RUBCN: variants seen among roughly 807,000 people sequenced by gnomAD.
The protein encoded by RUBCN is run domain Beclin-1-interacting and cysteine-rich domain-containing protein.
Under a neutral mutation model 113.2 loss-of-function variants are expected in RUBCN, and 74 were observed. The ratio of observed to expected loss-of-function variants is 0.65; its 90% CI spans 0.54 to 0.79. The LOEUF (loss-of-function observed/expected upper bound fraction) is 0.79, where lower values mean the gene tolerates loss of function less well. Among genes scored for constraint, RUBCN ranks in the 30% least tolerant of loss-of-function variants. RUBCN has a pLI of 0.00. For synonymous variants in RUBCN, 480 were observed against 490.0 expected (o/e 0.98, Z 0.27); for missense variants, 1,109 against 1,251.7 (o/e 0.89, Z 1.72).
chr3:197,691,548 G>A (rs1429214426), intron 11 of RUBCN, among the ~76,000 whole-genome samples: 3 of 152,186 alleles, frequency 2.0e-5, no homozygotes, highest in East Asian at 1.9e-4. Context: ...GGGAAACCCC[G>A]GCCTAAGGTC....
intron 2 of RUBCN, among the ~76,000 whole-genome samples, chr3:197,710,267 A>G (rs1039818372): frequency 1.3e-5 from 2 of 152,158 alleles, no homozygotes; most frequent in Non-Finnish European, 2.9e-5. Flanking sequence ...TGACTTACTA[A>G]AAGTCAGATA....
intron 18 of RUBCN, 82 bp downstream of exon 18, chr3:197,676,803 T>C (rs753011188): frequency 6.2e-7 from 1 of 1,607,280 alleles, no homozygotes; most frequent in Non-Finnish European, 8.5e-7. Flanking sequence ...TCAAGCTAAG[T>C]GGCAAGAACC....
chr3:197,697,106 T>C (rs878897105), intron 7 of RUBCN, 57 bp from the exon 8 acceptor site: 1 of 872,192 alleles, frequency 1.1e-6, no homozygotes, highest in Admixed American at 1.7e-5. Context: ...AACAGGTACA[T>C]TCCCAACTCT....
rs1719760525 is a variant in RUBCN at position 197,671,213 on chromosome 3, G to C, written c.*3805C>G. On this transcript the variant is annotated 3_prime_UTR_variant, in exon 20 of 20. Transcript: ENST00000296343. ...TATTTTTGTAGAGATGAGGTTTTGT[G>C]ATGTTAGCCAGGCTGGTCTTGAATT... is the stretch of plus-strand genomic sequence containing the variant. Among the ~76,000 whole-genome samples, 2 of 152,022 alleles carry C rather than the reference G, an allele frequency of 1.3e-5. No homozygotes were observed. The highest frequency in any genetic ancestry group is 2.9e-5 in the Non-Finnish European group (2 of 67,996).
At chr3:197,738,187 AGGT>A (rs1027271915), upstream of RUBCN, among the ~76,000 whole-genome samples, 2 of 152,248 alleles carry the variant, frequency 1.3e-5, no homozygotes, top group Non-Finnish European at 1.5e-5. Flanking sequence ...TGTAGGCTGA[AGGT>A]GGCCCTTGAG....
Position 197,699,809 on chromosome 3 carries a change from T to C in RUBCN, c.1261+804A>G, listed in dbSNP as rs573898485. The stretch of plus-strand genomic sequence containing the variant: ...TAAAGAAACCGCCCCCTCTTTTTTT[T>C]AGGTCCTTGAATTTTTCACATTTTA... On this transcript the variant is annotated intron_variant, in intron 7 of 19. Coordinates refer to ENST00000296343, the MANE Select transcript of RUBCN (RefSeq NM_014687.4). 3.2e-4 allele frequency among the ~76,000 whole-genome samples: 49 copies of C among 152,298 alleles called. 1 individual carries two copies. In the South Asian group the frequency reaches 8.7e-3, roughly 27 times the overall value.
chr3:197,708,027 GC>G (rs1445239458), intron 2 of RUBCN, among the ~76,000 whole-genome samples: 3 of 151,558 alleles, frequency 2.0e-5, no homozygotes, highest in Non-Finnish European at 2.9e-5. Context: ...CTACAAAAGT[GC>G]AAATCATAAA....
chr3:197,680,661 G>T (rs143106610), intron 16 of RUBCN, among the ~76,000 whole-genome samples: 1 of 152,160 alleles, frequency 6.6e-6, no homozygotes, highest in South Asian at 2.1e-4. Context: ...AGGCCCCTCC[G>T]CCAGGTCTGT....
rs1181948740 is a variant in RUBCN at position 197,675,686 on chromosome 3, G to A, written c.2647-171C>T. Among the ~76,000 whole-genome samples the A allele has an allele frequency of 1.3e-5, 2 of 150,780 alleles. No homozygotes were observed. Among genetic ancestry groups the A allele is most frequent in the Non-Finnish European group, 3.0e-5 (2 of 67,430 alleles). ...TAAACTAGGACCAGGGCCGGGCAGCGTTAGACAAAGCTTTAGGCAGAAGAT... is the reference window on the plus strand; with the variant it reads ...TAAACTAGGACCAGGGCCGGGCAGCATTAGACAAAGCTTTAGGCAGAAGAT... On this transcript the variant is annotated intron_variant, in intron 18 of 19. Transcript: ENST00000296343. This position sits in a 1 kb window ranked among gnomAD's most constrained non-coding sequence, Gnocchi z 4.4.
Position 197,703,024 on chromosome 3 carries a change from AGGTC to A in RUBCN, c.570+520_570+523del, listed in dbSNP as rs559612227. ...AATCTACCTCCCCACTCCCCAGCTT[AGGTC>A]TACTAAGCACACGACCTAAGCCTAG... On this transcript the variant is annotated intron_variant, in intron 5 of 19. Coordinates refer to ENST00000296343, the MANE Select transcript of RUBCN (RefSeq NM_014687.4). Among the ~76,000 whole-genome samples, 387 of 152,212 alleles carry A rather than the reference AGGTC, an allele frequency of 2.5e-3. 3 individuals are homozygous for A. In the Middle Eastern group the frequency reaches 0.034, roughly 13 times the overall value.
intron 1 of RUBCN, among the ~76,000 whole-genome samples, chr3:197,746,236 T>G (rs1346485405): frequency 6.6e-6 from 1 of 152,190 alleles, no homozygotes; most frequent in Non-Finnish European, 1.5e-5. Flanking sequence ...TCCAAAGGAA[T>G]GGGGTCAGTG....
chr3:197,687,344 G>C (rs1314064786), intron 11 of RUBCN, among the ~76,000 whole-genome samples: 1 of 152,236 alleles, frequency 6.6e-6, no homozygotes, highest in Non-Finnish European at 1.5e-5. Context: ...ATATAATTTT[G>C]AAACTTGTCA....
At position 197,675,269 on chromosome 3, in the gene RUBCN, C is replaced by T. The variant is rs146231703; in HGVS notation, c.2741-73G>A. On this transcript the variant is annotated intron_variant, in intron 19 of 19. Coordinates refer to ENST00000296343, the MANE Select transcript of RUBCN (RefSeq NM_014687.4). The surrounding 1 kb of genome is among the most constrained non-coding windows in gnomAD (Gnocchi z 4.4). Reference sequence around the variant, plus strand: ...TCTCCAGCTAGAGGTCAGTTGCTGCCACAGCCCCTTCTCGCCACCAAGGCG... The same window carrying T: ...TCTCCAGCTAGAGGTCAGTTGCTGCTACAGCCCCTTCTCGCCACCAAGGCG... 269 of 1,582,972 alleles carry T rather than the reference C, an allele frequency of 1.7e-4. 1 individual carries two copies. The African/African-American group carries it at 3.2e-3, about 19-fold the overall frequency.
At chr3:197,733,543 T>G (rs1243652371) in intron 1 of RUBCN, among the ~76,000 whole-genome samples, 1 of 152,180 alleles carries the variant, frequency 6.6e-6, no homozygotes, top group Non-Finnish European at 1.5e-5. Flanking sequence ...GTTTCTGAAC[T>G]GGGTATTTCA....
rs565384174 is a variant in RUBCN at position 197,683,114 on chromosome 3, C to G, written c.1980+193G>C. ...ACGTGAATAAGGACCGCGAACGCGC[C>G]GTCATCTCTGCTCTGACAAGGTGAG... On this transcript the variant is annotated intron_variant, in intron 13 of 19. Coordinates refer to ENST00000296343, the MANE Select transcript of RUBCN (RefSeq NM_014687.4). The surrounding 1 kb of genome is among the most constrained non-coding windows in gnomAD (Gnocchi z 4.6). 6.6e-6 allele frequency among the ~76,000 whole-genome samples: 1 copy of G among 152,254 alleles called. No homozygotes were observed.
At chr3:197,682,715 A>G in intron 13 of RUBCN, 100 bp from the exon 14 acceptor site, 1 of 1,493,828 alleles carries the variant, frequency 6.7e-7, no homozygotes, top group Non-Finnish European at 9.3e-7. Flanking sequence ...AGAAAAACAC[A>G]GTTGGGGTAA....
intron 2 of RUBCN, among the ~76,000 whole-genome samples, chr3:197,717,629 G>A (rs574735085): frequency 8.5e-5 from 13 of 152,298 alleles, no homozygotes; most frequent in Non-Finnish European, 1.3e-4. Flanking sequence ...TTTCAGCCCC[G>A]TGAAACTCAT....
At chr3:197,718,245 C>T in intron 1 of RUBCN, 115 bp from the exon 2 acceptor site, 1 of 1,138,192 alleles carries the variant, frequency 8.8e-7, no homozygotes, top group South Asian at 1.3e-5. Flanking sequence ...ACATTCTCTC[C>T]CCTCTTAATT....
intron 6 of RUBCN, 61 bp from the exon 7 acceptor site, chr3:197,701,207 T>C: frequency 1.4e-6 from 2 of 1,394,948 alleles, no homozygotes; most frequent in Non-Finnish European, 1.9e-6. Context: ...GCAGTATGTA[T>C]GAAGGACTGG....
Sources: allele counts gnomAD v4.1 joint callset (sites outside exome capture counted in the v4.1 genomes callset), GRCh38; gene constraint gnomAD v4.1.1; non-coding constraint Gnocchi (gnomAD v3.1); transcripts MANE v1.5; gene names NCBI Gene and HGNC (gene_info 2026-07-23, HGNC 2026-07-21).